CXADR: variants seen among roughly 807,000 people sequenced by gnomAD.
CXADR encodes coxsackievirus and adenovirus receptor.
Under a neutral mutation model 40.3 loss-of-function variants are expected in CXADR, and 20 were observed. The observed-to-expected ratio is 0.50, with a 90% CI of 0.35 to 0.72. The LOEUF is 0.72. CXADR is among the 30% of genes least tolerant of loss of function. The pLI, the probability that CXADR is intolerant of heterozygous loss-of-function variation, is 0.01. For missense variants in CXADR, 332 were observed against 449.1 expected, an observed-to-expected ratio of 0.74 and a Z score of 2.36; for synonymous variants, 150 against 161.3, an observed-to-expected ratio of 0.93 and a Z score of 0.53.
intron 1 of CXADR, among the ~76,000 whole-genome samples, chr21:17,540,007 G>T (rs1186278752): frequency 2.0e-5 from 3 of 152,102 alleles, no homozygotes; most frequent in African/African-American, 7.2e-5. Flanking sequence ...TAGAAACTTG[G>T]TTTTTCACAG....
downstream of CXADR, among the ~76,000 whole-genome samples, chr21:17,595,328 T>C (rs764130340): frequency 1.4e-4 from 21 of 152,056 alleles, no homozygotes; most frequent in Non-Finnish European, 2.8e-4. Context: ...ATATTGTGTA[T>C]AGCATTGCAT....
Position 17,567,578 on chromosome 21 carries a change from TAACTTA to T in CXADR, c.*1888_*1893del, listed in dbSNP as rs2061226924. The T allele has an allele frequency of 1.0e-6, 1 of 984,890 alleles. No homozygotes were observed. The highest frequency in any genetic ancestry group is 1.2e-6 in the Non-Finnish European group (1 of 829,538). The allele number at this position is 984,890 out of a possible 1,614,324, so 61.0% of individuals were successfully genotyped here. On this transcript the variant is annotated 3_prime_UTR_variant, in exon 7 of 7. Coordinates refer to ENST00000284878, the MANE Select transcript of CXADR (RefSeq NM_001338.5). Reference sequence around the variant, plus strand: ...GCCTCTTTTCTGTTCTTTGTGGATATAACTTAAGCAATTGTGTTATTCATAAAGGTT... The same window carrying T: ...GCCTCTTTTCTGTTCTTTGTGGATATAGCAATTGTGTTATTCATAAAGGTT...
rs565072762 is a variant in CXADR, at chr21:17,516,136, C to T, written c.43+2964C>T. On this transcript the variant is annotated intron_variant, in intron 1 of 6. Transcript: ENST00000284878. ...ATACTGTTCTAAGGGCTTTACATACCTATATATTCAATCCACCAAGCAACC... is the reference window on the plus strand; with the variant it reads ...ATACTGTTCTAAGGGCTTTACATACTTATATATTCAATCCACCAAGCAACC... Among the ~76,000 whole-genome samples the T allele has an allele frequency of 2.6e-5, 4 of 152,270 alleles. No homozygotes were observed. The East Asian group carries it at 7.7e-4, about 29-fold the overall frequency.
chr21:17,604,739 T>G, the CXADR span: 1 of 1,226,808 alleles, frequency 8.2e-7, no homozygotes, highest in Non-Finnish European at 1.1e-6. Context: ...AATTTACATC[T>G]GAGAGAGTTA....
At chr21:17,594,687 T>C (rs1183295988), downstream of CXADR, among the ~76,000 whole-genome samples, 2 of 152,044 alleles carry the variant, frequency 1.3e-5, no homozygotes, top group Admixed American at 6.6e-5. Context: ...ACTTGGAGGC[T>C]TTTAAATACA....
chr21:17,581,257 A>G (rs556928917), intron 7 of CXADR, among the ~76,000 whole-genome samples: 1 of 152,354 alleles, frequency 6.6e-6, no homozygotes, highest in Admixed American at 6.5e-5. Flanking sequence ...TAAAATTACA[A>G]TCAATATATA....
chr21:17,528,615 T>C (rs77612890), intron 1 of CXADR, among the ~76,000 whole-genome samples: 1 of 149,206 alleles, frequency 6.7e-6, no homozygotes, highest in African/African-American at 2.5e-5. Context: ...TTCATGTTGG[T>C]CAGGCTGGTC....
chr21:17,538,753 G>A (rs2060791783), intron 1 of CXADR, among the ~76,000 whole-genome samples: 1 of 152,186 alleles, frequency 6.6e-6, no homozygotes, highest in South Asian at 2.1e-4. Context: ...AGGGGTTTGA[G>A]GCCACAGTGA....
intron 7 of CXADR, among the ~76,000 whole-genome samples, chr21:17,583,777 C>A (rs952565971): frequency 8.5e-5 from 13 of 152,308 alleles, no homozygotes; most frequent in Admixed American, 3.3e-4. Flanking sequence ...CAGCACTATC[C>A]TAATGATCAC....
intron 7 of CXADR, among the ~76,000 whole-genome samples, chr21:17,587,201 G>A (rs1286490931): frequency 1.3e-4 from 20 of 152,258 alleles, no homozygotes; most frequent in Admixed American, 8.5e-4. Flanking sequence ...ATAAACCTAC[G>A]TGTGCATGTG....
chr21:17,602,323 TAAGTGAAGACTATG>T, the CXADR span, among the ~76,000 whole-genome samples: 11 of 152,370 alleles, frequency 7.2e-5, 1 homozygote, highest in African/African-American at 2.6e-4. Context: ...TCTATCAGAG[TAAGTGAAGACTATG>T]AAGAATGTTC....
intron 1 of CXADR, among the ~76,000 whole-genome samples, chr21:17,532,950 A>C (rs1425011279): frequency 6.6e-6 from 1 of 152,084 alleles, no homozygotes; most frequent in Non-Finnish European, 1.5e-5. Context: ...TAACTTTAGA[A>C]CTCCTACTGT....
downstream of CXADR, among the ~76,000 whole-genome samples, chr21:17,572,019 TTAAA>T (rs1392359078): frequency 1.3e-5 from 2 of 152,090 alleles, no homozygotes; most frequent in African/African-American, 4.8e-5. Flanking sequence ...TATGTGTTCA[TTAAA>T]TATGCATCAT....
In CXADR at chr21:17,589,199, C is replaced by T. The variant is rs1055503810; in HGVS notation, c.1018-3953C>T. 2.6e-5 allele frequency among the ~76,000 whole-genome samples: 4 copies of T among 151,878 alleles called. No individual in the cohort carries two copies. The East Asian group carries it at 7.7e-4, about 29-fold the overall frequency. On this transcript the variant is annotated intron_variant, in intron 7 of 7. Coordinates refer to the CXADR transcript ENST00000400169. ...GAGGAAACTATGCACTATTGCTACC[C>T]CATTATAAGTATTTACTATTTCAGA...
intron 1 of CXADR, among the ~76,000 whole-genome samples, chr21:17,532,087 C>T (rs896531677): frequency 4.3e-4 from 65 of 152,120 alleles, no homozygotes; most frequent in Admixed American, 4.6e-4. Context: ...TGCACCACCA[C>T]GTACAACTAA....
At chr21:17,625,450 T>G in the CXADR span, among the ~76,000 whole-genome samples, 2 of 152,196 alleles carry the variant, frequency 1.3e-5, no homozygotes, top group Admixed American at 6.5e-5. Context: ...ACACATTTTA[T>G]ATATGTATCA....
intron 7 of CXADR, chr21:17,576,863 C>T (rs1423890186): frequency 6.6e-5 from 10 of 152,192 alleles, no homozygotes; most frequent in Admixed American, 3.9e-4. Flanking sequence ...GCTCTTTGTT[C>T]TACTCTTTTG....
chr21:17,609,929 T>C, the CXADR span, among the ~76,000 whole-genome samples: 18 of 152,322 alleles, frequency 1.2e-4, no homozygotes, highest in African/African-American at 4.3e-4. Context: ...ACAATCTATA[T>C]GTTTACCAAT....
intron 7 of CXADR, among the ~76,000 whole-genome samples, chr21:17,578,258 C>T (rs1004282712): frequency 1.3e-5 from 2 of 152,178 alleles, no homozygotes; most frequent in African/African-American, 4.8e-5. Flanking sequence ...ACAAGAGTTC[C>T]AATTTCTCCA....
Sources: gnomAD v4.1 joint callset for allele counts (sites outside exome capture counted in the v4.1 genomes callset) on GRCh38, gnomAD v4.1.1 for gene constraint, MANE v1.5 for transcripts, NCBI Gene and HGNC (gene_info 2026-07-23, HGNC 2026-07-21) for gene names.